BSPRY: variants seen among roughly 807,000 people sequenced by gnomAD.
The protein encoded by BSPRY is B box and SPRY domain-containing protein.
BSPRY carries 33 observed loss-of-function variants against 38.0 expected under a neutral mutation model. The ratio of observed to expected loss-of-function variants is 0.87; its 90% CI spans 0.66 to 1.16. The LOEUF (loss-of-function observed/expected upper bound fraction) is 1.16, where lower values mean the gene tolerates loss of function less well. Ranked by LOEUF, BSPRY falls within the 50% of genes most tolerant of loss-of-function variation. BSPRY has a pLI of 0.00. For missense variants in BSPRY, 523 were observed against 533.2 expected (o/e 0.98, Z 0.19); for synonymous variants, 224 against 228.5 (o/e 0.98, Z 0.18).
chr9:113,367,450 C>T (rs1834269812), intron 4 of BSPRY, among the ~76,000 whole-genome samples: 1 of 152,124 alleles, frequency 6.6e-6, no homozygotes, highest in Admixed American at 6.5e-5. Context: ...CTGTGGACCC[C>T]TCAGGTGTTT....
At chr9:113,360,256 A>T (rs1344151718) in intron 2 of BSPRY, among the ~76,000 whole-genome samples, 1 of 152,194 alleles carries the variant, frequency 6.6e-6, no homozygotes, top group Non-Finnish European at 1.5e-5. Flanking sequence ...GTCTTCCATT[A>T]TGTGATCATG....
At chr9:113,367,921 C>T (rs571833778) in intron 4 of BSPRY, among the ~76,000 whole-genome samples, 2 of 151,922 alleles carry the variant, frequency 1.3e-5, no homozygotes, top group South Asian at 4.2e-4. Flanking sequence ...GCCTCGAACT[C>T]CTGGGCTTAA....
rs770093625 is a variant in BSPRY, at chr9:113,368,284, G to T, written c.583G>T (p.Asp195Tyr). ...GACCGAAGAAGCAGAGGGCATTTTG[G>T]ATCCCCAGGAGTCGGAAATGTTAAA... ...ERTEEAEGIL[D>Y]PQESEMLNFN... Residue 195 changes from aspartate (D) to tyrosine (Y), a missense_variant, in exon 5 of 6, where the codon GAT becomes TAT. Asp to Tyr is a radical substitution (Grantham distance 160, BLOSUM62 -3). Coordinates refer to ENST00000374183, the MANE Select transcript of BSPRY (RefSeq NM_017688.3). The T allele has an allele frequency of 6.2e-7, 1 of 1,613,996 alleles. No individual in the cohort carries two copies. Among genetic ancestry groups the T allele is most frequent in the African/African-American group, 1.3e-5 (1 of 74,902 alleles).
intron 3 of BSPRY, 126 bp from the exon 4 acceptor site, chr9:113,362,243 C>T: frequency 1.2e-6 from 1 of 801,382 alleles, no homozygotes. Flanking sequence ...TTATGCTGGT[C>T]TTAAAGACTA....
chr9:113,366,926 G>A (rs1409528586), intron 4 of BSPRY, among the ~76,000 whole-genome samples: 1 of 152,226 alleles, frequency 6.6e-6, no homozygotes, highest in Non-Finnish European at 1.5e-5. Flanking sequence ...TGGGGAGAGA[G>A]TGTGTGTACT....
intron 1 of BSPRY, among the ~76,000 whole-genome samples, chr9:113,352,019 C>G (rs1424624519): frequency 6.6e-6 from 1 of 152,104 alleles, no homozygotes; most frequent in Non-Finnish European, 1.5e-5. Flanking sequence ...CCACGTTGGC[C>G]AGGCTGGTCT....
At chr9:113,352,933 C>G (rs556502013) in intron 1 of BSPRY, among the ~76,000 whole-genome samples, 12 of 152,296 alleles carry the variant, frequency 7.9e-5, no homozygotes, top group African/African-American at 1.2e-4. Context: ...GGGTTGGAGA[C>G]AAACTCCTGG....
At chr9:113,361,732 G>A (rs1349542754) in intron 3 of BSPRY, among the ~76,000 whole-genome samples, 1 of 152,198 alleles carries the variant, frequency 6.6e-6, no homozygotes, top group Admixed American at 6.5e-5. Flanking sequence ...TCTTCGATAT[G>A]AAAACACAGA....
At chr9:113,369,584 C>A in intron 5 of BSPRY, 32 bp from the exon 6 acceptor site, 1 of 1,574,412 alleles carries the variant, frequency 6.4e-7, no homozygotes, top group Admixed American at 1.8e-5. Context: ...CAGGGGTGGG[C>A]CCTCGGCAAC....
intron 2 of BSPRY, among the ~76,000 whole-genome samples, chr9:113,360,223 G>A (rs1367319786): frequency 6.6e-6 from 1 of 152,142 alleles, no homozygotes; most frequent in Non-Finnish European, 1.5e-5. Context: ...GAGTATTCTA[G>A]TTGGGCTCTA....
At chr9:113,366,324 T>C (rs1017820162) in intron 4 of BSPRY, among the ~76,000 whole-genome samples, 1 of 152,250 alleles carries the variant, frequency 6.6e-6, no homozygotes, top group Non-Finnish European at 1.5e-5. Flanking sequence ...TGTCTGTAGT[T>C]CTTTATGCCC....
intron 2 of BSPRY, among the ~76,000 whole-genome samples, chr9:113,354,867 A>AT (rs1834032426): frequency 1.3e-5 from 2 of 150,896 alleles, no homozygotes; most frequent in African/African-American, 2.4e-5. Flanking sequence ...CTTTTTTTTA[A>AT]TTTTTTTTCT....
Position 113,369,615 on chromosome 9 carries a change from G to A in BSPRY, c.683-1G>A. 6.3e-7 allele frequency: 1 copy of A among 1,598,856 alleles called. No homozygotes were observed. Among genetic ancestry groups the A allele is most frequent in the Non-Finnish European group, 8.5e-7 (1 of 1,170,560 alleles). On this transcript the variant is annotated splice_acceptor_variant, in intron 5 of 5. Transcript: ENST00000374183. LOFTEE classifies it high-confidence loss of function. Reference sequence around the variant, plus strand: ...GCAACTCTGAGAATTCTTTCTGGCAGGCACAGAGGACATACGGATCGATGA... The same window carrying A: ...GCAACTCTGAGAATTCTTTCTGGCAAGCACAGAGGACATACGGATCGATGA...
Position 113,349,845 on chromosome 9 carries a change from G to T in BSPRY, c.201+65G>T, listed in dbSNP as rs575147967. Reference sequence around the variant, plus strand: ...ACCCCGGGCGCGCCTGGCGGGACCCGGCAGGGACTGGGGAGCCTGGGGCTG... The same window carrying T: ...ACCCCGGGCGCGCCTGGCGGGACCCTGCAGGGACTGGGGAGCCTGGGGCTG... On this transcript the variant is annotated intron_variant, in intron 1 of 5. Transcript: ENST00000374183. 1.3e-5 allele frequency: 16 copies of T among 1,204,974 alleles called. No homozygotes were observed. The South Asian group carries it at 4.8e-4, about 36-fold the overall frequency. The allele number at this position is 1,204,974 out of a possible 1,614,324, so 74.6% of individuals were successfully genotyped here.
At chr9:113,354,386 C>A in intron 2 of BSPRY, 48 bp downstream of exon 2, 1 of 1,519,616 alleles carries the variant, frequency 6.6e-7, no homozygotes, top group Non-Finnish European at 9.1e-7. Context: ...CAGGATAAGG[C>A]CTTAGACTTA....
At chr9:113,361,578 G>A (rs1361534286) in intron 3 of BSPRY, among the ~76,000 whole-genome samples, 3 of 152,204 alleles carry the variant, frequency 2.0e-5, no homozygotes, top group African/African-American at 7.2e-5. Flanking sequence ...AGGGGAAAGA[G>A]GGGTCAGGGA....
intron 3 of BSPRY, among the ~76,000 whole-genome samples, 171 bp from the exon 4 acceptor site, chr9:113,362,174 GGTGTGTGTGTGTGTGTGTGTGTGT>G: frequency 7.1e-6 from 1 of 141,344 alleles, no homozygotes; most frequent in South Asian, 2.3e-4. Context: ...ATGTGTTATG[GGTGTGTGTGTGTGTGTGTGTGTGT>G]GTGTGTGTGT....
chr9:113,349,635 G>C lies in BSPRY; in HGVS notation c.56G>C (p.Gly19Ala), dbSNP rs1457514265. ...GPGSGSGPGP[G>A]PLCPEHGQAL... The stretch of plus-strand genomic sequence containing the variant: ...GGGTCCGGGTCCGGGCCCGGGCCGG[G>C]GCCACTCTGCCCCGAACACGGCCAG... Residue 19 changes from glycine to alanine, a missense_variant, in exon 1 of 6, where the codon GGG (glycine) becomes GCG (alanine). By Grantham distance (60) the Gly-to-Ala change is moderately conservative. Coordinates refer to ENST00000374183, the MANE Select transcript of BSPRY (RefSeq NM_017688.3). The C allele has an allele frequency of 2.5e-6, 3 of 1,216,090 alleles. No individual in the cohort carries two copies. Among genetic ancestry groups the C allele is most frequent in the Non-Finnish European group, 3.1e-6 (3 of 976,640 alleles). The allele number at this position is 1,216,090 out of a possible 1,614,324, so 75.3% of individuals were successfully genotyped here.
intron 4 of BSPRY, among the ~76,000 whole-genome samples, chr9:113,366,858 A>T (rs1039039337): frequency 3.9e-5 from 6 of 152,238 alleles, no homozygotes; most frequent in African/African-American, 9.6e-5. Flanking sequence ...GCAAAGAGCC[A>T]TCAGGGCACA....
Sources: gnomAD v4.1 joint callset for allele counts (sites outside exome capture counted in the v4.1 genomes callset) on GRCh38, gnomAD v4.1.1 for gene constraint, MANE v1.5 for transcripts, NCBI Gene and HGNC (gene_info 2026-07-23, HGNC 2026-07-21) for gene names.